ITPR2: variants seen among roughly 807,000 people sequenced by gnomAD.
The protein encoded by ITPR2 is inositol 1,4,5-trisphosphate receptor type 2, also known as inositol 1,4,5-trisphosphate-gated calcium channel ITPR2.
In ITPR2, 207 loss-of-function variants were observed where a neutral mutation model predicts 317.1. The observed-to-expected ratio is 0.65, with a 90% CI of 0.58 to 0.73. The LOEUF is 0.73. Among genes scored for constraint, ITPR2 ranks in the 30% least tolerant of loss-of-function variants. The probability of loss-of-function intolerance (pLI) is 0.00; values close to 1 mark genes in which losing one functional copy is unlikely to be tolerated. For synonymous variants in ITPR2, 1,156 were observed against 1,149.1 expected (o/e 1.01, Z -0.12); for missense variants, 2,613 against 3,284.0 (o/e 0.80, Z 4.99).
chr12:26,463,914 AC>A (rs1403771413), intron 45 of ITPR2, among the ~76,000 whole-genome samples: 2 of 152,114 alleles, frequency 1.3e-5, no homozygotes, highest in Non-Finnish European at 2.9e-5. Flanking sequence ...TCACACACGC[AC>A]AGCACGCTAA....
chr12:26,375,628 C>T (rs987553742), intron 55 of ITPR2, among the ~76,000 whole-genome samples: 2 of 152,170 alleles, frequency 1.3e-5, no homozygotes, highest in African/African-American at 4.8e-5. Context: ...AGGGATAGGT[C>T]TGTGCTATTC....
At chr12:26,658,177 A>G (rs1384566149) in intron 16 of ITPR2, 47 bp from the exon 17 acceptor site, 1 of 1,356,744 alleles carries the variant, frequency 7.4e-7, no homozygotes, top group Admixed American at 2.6e-5. Flanking sequence ...AAAGCATTTT[A>G]TAAAAGCATC....
At chr12:26,448,832 T>C (rs755172356) in intron 45 of ITPR2, among the ~76,000 whole-genome samples, 13 of 152,198 alleles carry the variant, frequency 8.5e-5, no homozygotes, top group Non-Finnish European at 1.8e-4. Flanking sequence ...CATGTATATG[T>C]ATATATTCAT....
chr12:26,738,965 C>T (rs1293206669), intron 2 of ITPR2, among the ~76,000 whole-genome samples: 6 of 152,140 alleles, frequency 3.9e-5, no homozygotes, highest in Admixed American at 2.6e-4. Flanking sequence ...ACAGAAAGTG[C>T]TTTTACAACT....
At chr12:26,354,031 T>C (rs1938557769) in intron 55 of ITPR2, among the ~76,000 whole-genome samples, 1 of 152,196 alleles carries the variant, frequency 6.6e-6, no homozygotes, top group Admixed American at 6.5e-5. Flanking sequence ...CCTAGCACTT[T>C]GGGAGGCCGA....
intron 2 of ITPR2, among the ~76,000 whole-genome samples, chr12:26,729,757 G>A (rs992472391): frequency 2.0e-5 from 3 of 152,044 alleles, no homozygotes; most frequent in African/African-American, 7.2e-5. Flanking sequence ...GCTAAAAGAT[G>A]AGAACACATG....
chr12:26,472,389 G>T lies in ITPR2; in HGVS notation c.6342+2907C>A, dbSNP rs1238197625. On this transcript the variant is annotated intron_variant, in intron 45 of 56. Coordinates refer to ENST00000381340, the MANE Select transcript of ITPR2 (RefSeq NM_002223.4). ...TTTACTTTCTTTTGTTTTGATGTTT[G>T]TTCTCTCTCTTCTCGAGTCTGCCTT... Among the ~76,000 whole-genome samples the T allele has an allele frequency of 2.6e-5, 4 of 151,484 alleles. No individual in the cohort carries two copies. In the South Asian group the frequency reaches 6.2e-4, roughly 24 times the overall value.
intron 34 of ITPR2, among the ~76,000 whole-genome samples, chr12:26,562,932 A>G (rs1944859175): frequency 6.6e-6 from 1 of 152,000 alleles, no homozygotes; most frequent in African/African-American, 2.4e-5. Context: ...AAAAAAAGAA[A>G]TAACACAAAA....
chr12:26,800,873 G>T, intron 1 of ITPR2: 1 of 153,294 alleles, frequency 6.5e-6, no homozygotes, highest in South Asian at 1.7e-4. Flanking sequence ...CGCCTTGGGT[G>T]GAGGCCTGGA....
At chr12:26,613,624 G>A (rs1946318702) in intron 26 of ITPR2, among the ~76,000 whole-genome samples, 2 of 152,002 alleles carry the variant, frequency 1.3e-5, no homozygotes, top group Admixed American at 6.6e-5. Flanking sequence ...TCCCATGCAA[G>A]ATGGAAGGTC....
intron 54 of ITPR2, among the ~76,000 whole-genome samples, chr12:26,396,720 G>GAAT: frequency 6.6e-6 from 1 of 152,316 alleles, no homozygotes; most frequent in Admixed American, 6.5e-5. Flanking sequence ...TCAGACTCAT[G>GAAT]AATTGATCTG....
chr12:26,713,787 T>C (rs1948692364), intron 8 of ITPR2, among the ~76,000 whole-genome samples: 1 of 152,226 alleles, frequency 6.6e-6, no homozygotes, highest in African/African-American at 2.4e-5. Flanking sequence ...ATTTTTTTAA[T>C]TTTTAAAAAC....
At chr12:26,448,803 C>G (rs950781842) in intron 45 of ITPR2, among the ~76,000 whole-genome samples, 1 of 152,070 alleles carries the variant, frequency 6.6e-6, no homozygotes, top group Non-Finnish European at 1.5e-5. Flanking sequence ...ACAGATGCAT[C>G]ACTAAATAGG....
intron 35 of ITPR2, 62 bp from the exon 36 acceptor site, chr12:26,556,437 A>G: frequency 1.3e-6 from 2 of 1,522,192 alleles, no homozygotes; most frequent in Non-Finnish European, 1.8e-6. Flanking sequence ...TCTTTCGAAG[A>G]TAAGACAAGC....
At chr12:26,808,071 C>G (rs1263471733) in intron 1 of ITPR2, among the ~76,000 whole-genome samples, 1 of 152,204 alleles carries the variant, frequency 6.6e-6, no homozygotes, top group Non-Finnish European at 1.5e-5. Context: ...GTTCTACTTC[C>G]TTCTAAAATC....
chr12:26,699,666 A>G (rs1948410183), intron 9 of ITPR2, among the ~76,000 whole-genome samples: 2 of 152,184 alleles, frequency 1.3e-5, no homozygotes, highest in Admixed American at 6.5e-5. Flanking sequence ...GAAAAGGAAG[A>G]GGAGAAGGGA....
chr12:26,419,948 A>C (rs1415911292), intron 49 of ITPR2: 1 of 152,156 alleles, frequency 6.6e-6, no homozygotes, highest in Non-Finnish European at 1.5e-5. Context: ...TAATGTATGT[A>C]TGTATTTTCT....
chr12:26,767,784 T>C (rs1236444297), intron 2 of ITPR2, among the ~76,000 whole-genome samples: 1 of 152,266 alleles, frequency 6.6e-6, no homozygotes, highest in Non-Finnish European at 1.5e-5. Flanking sequence ...CTTTTTCTTC[T>C]TTTTATATAT....
intron 34 of ITPR2, among the ~76,000 whole-genome samples, chr12:26,570,373 A>C (rs1000681249): frequency 2.0e-5 from 3 of 152,204 alleles, no homozygotes; most frequent in Admixed American, 2.0e-4. Context: ...ACTCAGATTT[A>C]ATTTTTTTAG....
Sources: allele counts gnomAD v4.1 joint callset (sites outside exome capture counted in the v4.1 genomes callset), GRCh38; gene constraint gnomAD v4.1.1; transcripts MANE v1.5; gene names NCBI Gene and HGNC (gene_info 2026-07-23, HGNC 2026-07-21).